Variants in UTRN observed in about 807,000 individuals in gnomAD.
UTRN encodes utrophin.
In UTRN, 283 loss-of-function variants were observed where a neutral mutation model predicts 463.9. The ratio of observed to expected loss-of-function variants is 0.61; its 90% CI spans 0.55 to 0.67. UTRN has a LOEUF of 0.67. Ranked by LOEUF, UTRN falls within the 30% of genes least tolerant of loss-of-function variation. UTRN has a pLI of 0.00. For synonymous variants in UTRN, 1,442 were observed against 1,431.5 expected, an observed-to-expected ratio of 1.01 and a Z score of -0.17; for missense variants, 3,922 against 4,084.3, an observed-to-expected ratio of 0.96 and a Z score of 1.08.
intron 52 of UTRN, among the ~76,000 whole-genome samples, chr6:144,685,058 T>C (rs1019176254): frequency 1.3e-5 from 2 of 152,172 alleles, no homozygotes; most frequent in Admixed American, 1.3e-4. Flanking sequence ...GTCTCATATG[T>C]CCATTATATC....
chr6:144,446,362 ATTGGGGG>A (rs1787696442), intron 14 of UTRN, among the ~76,000 whole-genome samples: 1 of 152,188 alleles, frequency 6.6e-6, no homozygotes, highest in African/African-American at 2.4e-5. Flanking sequence ...GACAGTATCC[ATTGGGGG>A]GTGAAATATA....
intron 2 of UTRN, among the ~76,000 whole-genome samples, chr6:144,338,336 T>TAA (rs112400780): frequency 6.7e-6 from 1 of 148,902 alleles, no homozygotes; most frequent in Admixed American, 6.7e-5. Flanking sequence ...ACAAATGGGT[T>TAA]AAAAAAAAAA....
intron 51 of UTRN, among the ~76,000 whole-genome samples, chr6:144,647,510 A>G (rs139038802): frequency 1.8e-3 from 267 of 152,374 alleles, no homozygotes; most frequent in Middle Eastern, 6.8e-3. Flanking sequence ...GTTAAACCAG[A>G]AAGATCATTG....
chr6:144,470,547 T>G (rs1036815047), intron 23 of UTRN, among the ~76,000 whole-genome samples: 6 of 149,050 alleles, frequency 4.0e-5, no homozygotes, highest in African/African-American at 1.5e-4. Flanking sequence ...CTAGACAGGA[T>G]GACGGCCGGG....
chr6:144,574,247 G>T (rs1042607868), intron 50 of UTRN, among the ~76,000 whole-genome samples: 3 of 152,162 alleles, frequency 2.0e-5, no homozygotes, highest in Non-Finnish European at 4.4e-5. Context: ...GAGGAAATTT[G>T]AACTGATTCT....
At chr6:144,470,375 C>T (rs963678697) in intron 23 of UTRN, among the ~76,000 whole-genome samples, 5 of 151,718 alleles carry the variant, frequency 3.3e-5, no homozygotes, top group African/African-American at 9.7e-5. Context: ...AGGGGCTCCT[C>T]ACTTACCAGA....
intron 12 of UTRN, 130 bp from the exon 13 acceptor site, chr6:144,440,222 T>G (rs1233573133): frequency 2.3e-6 from 2 of 885,840 alleles, no homozygotes; most frequent in Non-Finnish European, 3.5e-6. Context: ...GTAGAACAGT[T>G]AGGGTAATGA....
chr6:144,406,826 G>A (rs1783463367), intron 3 of UTRN, among the ~76,000 whole-genome samples: 2 of 152,166 alleles, frequency 1.3e-5, no homozygotes, highest in African/African-American at 2.4e-5. Flanking sequence ...ATAGTGTGAT[G>A]TTTTGGTCTT....
intron 2 of UTRN, among the ~76,000 whole-genome samples, chr6:144,352,727 A>G (rs1245512506): frequency 6.6e-6 from 1 of 152,262 alleles, no homozygotes; most frequent in African/African-American, 2.4e-5. Flanking sequence ...CTAAATAAAA[A>G]TAAAAGGTCG....
At chr6:144,430,991 T>G (rs1377635730) in intron 9 of UTRN, among the ~76,000 whole-genome samples, 1 of 152,192 alleles carries the variant, frequency 6.6e-6, no homozygotes, top group East Asian at 1.9e-4. Context: ...AACCCAGGGC[T>G]CTCTTTTGTA....
intron 2 of UTRN, among the ~76,000 whole-genome samples, chr6:144,342,150 C>T (rs889832310): frequency 1.3e-5 from 2 of 152,048 alleles, no homozygotes; most frequent in Non-Finnish European, 2.9e-5. Context: ...CACTTCATAC[C>T]CAGCAGGATG....
Position 144,671,942 on chromosome 6 carries a change from T to C in UTRN, c.7480-6464T>C, listed in dbSNP as rs532793514. Among the ~76,000 whole-genome samples, 6 of 152,322 alleles carry C rather than the reference T, an allele frequency of 3.9e-5. 1 individual carries two copies. Among genetic ancestry groups the C allele is most frequent in the African/African-American group, 1.4e-4 (6 of 41,588 alleles). On this transcript the variant is annotated intron_variant, in intron 51 of 74. Transcript: ENST00000367545. The stretch of plus-strand genomic sequence containing the variant: ...ATGTGATTTTTTGTTTTTAATTCTA[T>C]TATGTGTTGTATCACATTTATTGAC...
At chr6:144,696,668 T>A (rs7758449) in intron 52 of UTRN, among the ~76,000 whole-genome samples, 72,470 of 151,994 alleles carry the variant, frequency 0.48, 19,720 homozygotes, top group East Asian at 0.88. Context: ...TAAACCAAAA[T>A]ATATATATAT....
chr6:144,719,515 TGTG>T (rs1380509458), intron 53 of UTRN, among the ~76,000 whole-genome samples: 13 of 152,054 alleles, frequency 8.5e-5, no homozygotes, highest in Non-Finnish European at 1.9e-4. Flanking sequence ...AGGCGGAGGT[TGTG>T]GTGAGCCGAA....
At chr6:144,312,567 C>A (rs1185843092) in intron 2 of UTRN, among the ~76,000 whole-genome samples, 2 of 152,154 alleles carry the variant, frequency 1.3e-5, no homozygotes, top group African/African-American at 4.8e-5. Context: ...AATCATATTG[C>A]ACTAGGAAGA....
At position 144,474,706 on chromosome 6, in the gene UTRN, G is replaced by C; in HGVS notation, c.3283G>C (p.Val1095Leu). ...SGPVAGIKTW[V>L]QTRLGDYQTQ... ...TCCAGTTGCTGGAATAAAAACTTGG[G>C]TGCAGACAAGACTAGGTGACTACCA... is the stretch of plus-strand genomic sequence containing the variant. Residue 1095 changes from valine (V) to leucine (L), a missense_variant, in exon 25 of 75, where the codon GTG (valine) becomes CTG (leucine). Val to Leu is a conservative substitution (Grantham distance 32). Transcript: ENST00000367545. 1 of 1,614,062 alleles carries C rather than the reference G, an allele frequency of 6.2e-7. No individual in the cohort carries two copies. The highest frequency in any genetic ancestry group is 2.2e-5 in the East Asian group (1 of 44,868).
At chr6:144,488,152 C>G (rs1042001006) in intron 29 of UTRN, among the ~76,000 whole-genome samples, 1 of 152,092 alleles carries the variant, frequency 6.6e-6, no homozygotes, top group Non-Finnish European at 1.5e-5. Flanking sequence ...TTAGGTGCTT[C>G]CAAACACATA....
intron 51 of UTRN, among the ~76,000 whole-genome samples, chr6:144,665,114 T>G (rs1780255617): frequency 6.6e-6 from 1 of 152,098 alleles, no homozygotes; most frequent in Non-Finnish European, 1.5e-5. Context: ...CAGAACTCCT[T>G]CAGAAAAAAA....
intron 65 of UTRN, among the ~76,000 whole-genome samples, chr6:144,803,921 G>A (rs1023231471): frequency 1.3e-5 from 2 of 151,688 alleles, no homozygotes; most frequent in Non-Finnish European, 2.9e-5. Flanking sequence ...TTCAAAATAG[G>A]TTTATCCCAA....
Sources: gnomAD v4.1 joint callset for allele counts (sites outside exome capture counted in the v4.1 genomes callset) on GRCh38, gnomAD v4.1.1 for gene constraint, MANE v1.5 for transcripts, NCBI Gene and HGNC (gene_info 2026-07-23, HGNC 2026-07-21) for gene names.